PRDM1: variants seen among roughly 807,000 people sequenced by gnomAD.
The protein encoded by PRDM1 is PR/SET domain 1, also known as PR domain zinc finger protein 1.
Under a neutral mutation model 62.8 loss-of-function variants are expected in PRDM1, and 13 were observed. The ratio of observed to expected loss-of-function variants is 0.21; its 90% CI spans 0.13 to 0.33. The LOEUF (loss-of-function observed/expected upper bound fraction) is 0.33. Ranked by LOEUF, PRDM1 falls within the 10% of genes least tolerant of loss-of-function variation. PRDM1 has a pLI of 1.00. For synonymous variants in PRDM1, 396 were observed against 417.6 expected, an observed-to-expected ratio of 0.95 and a Z score of 0.63; for missense variants, 895 against 1,058.8, an observed-to-expected ratio of 0.85 and a Z score of 2.15.
chr6:106,035,774 A>G (rs1772917726), intron 1 of PRDM1, among the ~76,000 whole-genome samples: 1 of 152,166 alleles, frequency 6.6e-6, no homozygotes, highest in African/African-American at 2.4e-5. Flanking sequence ...TGAATCTCTT[A>G]TAGATAACAT....
At chr6:106,078,359 G>A (rs1263501267) in intron 1 of PRDM1, 1 of 152,086 alleles carries the variant, frequency 6.6e-6, no homozygotes. Context: ...AATTTCCTCA[G>A]AAGGGCAAAA....
At chr6:106,043,748 G>T (rs1042539527), upstream of PRDM1, among the ~76,000 whole-genome samples, 1 of 152,020 alleles carries the variant, frequency 6.6e-6, no homozygotes, top group Non-Finnish European at 1.5e-5. Flanking sequence ...TGGTCAAGCT[G>T]GTCTCGAACT....
chr6:105,993,739 A>G (rs1423081053), intron 1 of PRDM1, among the ~76,000 whole-genome samples: 2 of 152,216 alleles, frequency 1.3e-5, no homozygotes, highest in African/African-American at 4.8e-5. Context: ...GTGAAGAGGG[A>G]TCACGCCCAG....
intron 1 of PRDM1, among the ~76,000 whole-genome samples, chr6:106,074,243 C>T (rs935207655): frequency 2.0e-5 from 3 of 152,170 alleles, no homozygotes; most frequent in Non-Finnish European, 4.4e-5. Context: ...ATACGCATAA[C>T]TGAGTGACCA....
intron 2 of PRDM1, among the ~76,000 whole-genome samples, chr6:106,093,319 A>C (rs1774011745): frequency 6.6e-6 from 1 of 152,242 alleles, no homozygotes. Flanking sequence ...AAGAAGAACC[A>C]CGACCTCAGT....
upstream of PRDM1, chr6:106,045,981 G>A (rs1432329929): frequency 6.6e-6 from 1 of 152,048 alleles, no homozygotes; most frequent in Non-Finnish European, 1.5e-5. Flanking sequence ...TGTCACACTT[G>A]GCGCCTCCAA....
chr6:106,068,155 G>T lies in PRDM1; in HGVS notation c.-67+19441G>T, dbSNP rs139790630. Among the ~76,000 whole-genome samples the T allele has an allele frequency of 7.8e-3, 1,161 of 149,294 alleles. 24 individuals are homozygous for T. Among genetic ancestry groups the T allele is most frequent in the African/African-American group, 0.027 (1,087 of 40,544 alleles). ...TGCCCAGGCTGAAGTGCAATGGTGTGATCTCGGCTCACTGCAACCTCTGCC... is the reference window on the plus strand; with the variant it reads ...TGCCCAGGCTGAAGTGCAATGGTGTTATCTCGGCTCACTGCAACCTCTGCC... On this transcript the variant is annotated intron_variant, in intron 1 of 6. Coordinates refer to the PRDM1 transcript ENST00000651185.
intron 1 of PRDM1, among the ~76,000 whole-genome samples, chr6:106,040,390 G>A (rs980709121): frequency 2.6e-5 from 4 of 152,126 alleles, no homozygotes; most frequent in Non-Finnish European, 5.9e-5. Flanking sequence ...ACATGAATAC[G>A]AGCACACCAC....
At chr6:106,095,198 A>G (rs1774078453) in intron 2 of PRDM1, among the ~76,000 whole-genome samples, 1 of 152,172 alleles carries the variant, frequency 6.6e-6, no homozygotes, top group Non-Finnish European at 1.5e-5. Context: ...CAAGCACACT[A>G]TGCTTATGGT....
At chr6:106,052,522 T>C (rs1483104548) in intron 1 of PRDM1, among the ~76,000 whole-genome samples, 2 of 152,152 alleles carry the variant, frequency 1.3e-5, no homozygotes, top group Admixed American at 1.3e-4. Context: ...CCTTATCCGA[T>C]TGTGGCATAG....
chr6:106,107,150 G>C lies in PRDM1; in HGVS notation c.2142G>C (p.Pro714=). Residue 714 remains proline (P), a synonymous_variant, in exon 7 of 7, where the codon CCG becomes CCC. Transcript: ENST00000369096. ...TGAAAGGGAACTGCGCTGCGGCCCCGGCGCCTGGGCTGCCCTTGGAAGATC... is the reference window on the plus strand; with the variant it reads ...TGAAAGGGAACTGCGCTGCGGCCCCCGCGCCTGGGCTGCCCTTGGAAGATC... The part of the protein sequence containing the change: ...VHLKGNCAAA[P]APGLPLEDLT... The C allele has an allele frequency of 1.2e-6, 2 of 1,614,136 alleles. No homozygotes were observed. The highest frequency in any genetic ancestry group is 1.7e-6 in the Non-Finnish European group (2 of 1,180,004).
At chr6:105,993,539 C>T (rs1435090194) in exon 1 of PRDM1, among the ~76,000 whole-genome samples, 1 of 152,220 alleles carries the variant, frequency 6.6e-6, no homozygotes, top group Non-Finnish European at 1.5e-5. Context: ...GAAGGTGCCA[C>T]TTGGAAGATT....
upstream of PRDM1, among the ~76,000 whole-genome samples, chr6:106,081,979 C>T (rs1208621653): frequency 6.6e-6 from 1 of 152,134 alleles, no homozygotes; most frequent in Admixed American, 6.5e-5. Flanking sequence ...TTTATTTCCA[C>T]CTTGAGTCCT....
chr6:106,098,826 C>CA, intron 3 of PRDM1: 1 of 1,524,474 alleles, frequency 6.6e-7, no homozygotes, highest in Non-Finnish European at 8.8e-7. Context: ...GTGTAGGAAA[C>CA]GGCGAGTACA....
upstream of PRDM1, among the ~76,000 whole-genome samples, chr6:106,084,758 T>C (rs1196622873): frequency 1.3e-5 from 2 of 152,210 alleles, no homozygotes; most frequent in East Asian, 3.8e-4. Context: ...TGAGGACTCT[T>C]AGGAATTGTT....
chr6:106,059,113 T>A (rs1277993427), intron 1 of PRDM1, among the ~76,000 whole-genome samples: 1 of 152,174 alleles, frequency 6.6e-6, no homozygotes, highest in Non-Finnish European at 1.5e-5. Flanking sequence ...AGACCCCTGT[T>A]ATTCTGTAAC....
intron 1 of PRDM1, among the ~76,000 whole-genome samples, chr6:106,008,100 C>T (rs1460411644): frequency 1.3e-5 from 2 of 152,112 alleles, no homozygotes; most frequent in Non-Finnish European, 2.9e-5. Flanking sequence ...GGGCTGGGCG[C>T]GGTGGCTCAC....
At chr6:106,041,023 C>G (rs986269527) in intron 1 of PRDM1, among the ~76,000 whole-genome samples, 1 of 152,160 alleles carries the variant, frequency 6.6e-6, no homozygotes, top group African/African-American at 2.4e-5. Flanking sequence ...AACAACATGA[C>G]ATTCTAGGAG....
chr6:106,026,172 A>G (rs947530076), intron 1 of PRDM1, among the ~76,000 whole-genome samples: 1 of 152,134 alleles, frequency 6.6e-6, no homozygotes, highest in Non-Finnish European at 1.5e-5. Flanking sequence ...TCCTATTTGT[A>G]TATTTGATTT....
Sources: gnomAD v4.1 joint callset for allele counts (sites outside exome capture counted in the v4.1 genomes callset) on GRCh38, gnomAD v4.1.1 for gene constraint, MANE v1.5 for transcripts, NCBI Gene and HGNC (gene_info 2026-07-23, HGNC 2026-07-21) for gene names.